Variants in INPP4B observed in about 807,000 individuals in gnomAD.
INPP4B encodes inositol polyphosphate-4-phosphatase type II B.
Under a neutral mutation model 122.5 loss-of-function variants are expected in INPP4B, and 55 were observed. The ratio of observed to expected loss-of-function variants is 0.45; its 90% CI spans 0.36 to 0.56. The LOEUF (loss-of-function observed/expected upper bound fraction) is 0.56, where lower values mean the gene tolerates loss of function less well. INPP4B is among the 20% of genes least tolerant of loss of function. INPP4B has a pLI of 0.00. For missense variants in INPP4B, 1,000 were observed against 1,097.7 expected (o/e 0.91, Z 1.26); for synonymous variants, 403 against 388.7 (o/e 1.04, Z -0.43).
At chr4:142,315,417 G>A (rs1381783476) in intron 7 of INPP4B, among the ~76,000 whole-genome samples, 1 of 151,964 alleles carries the variant, frequency 6.6e-6, no homozygotes, top group Non-Finnish European at 1.5e-5. Context: ...GGTTATCTGG[G>A]CAAGCTTTCC....
At chr4:142,180,684 T>C (rs986749471) in intron 15 of INPP4B, among the ~76,000 whole-genome samples, 26 of 152,182 alleles carry the variant, frequency 1.7e-4, no homozygotes, top group African/African-American at 5.8e-4. Context: ...CGGGTTTTCA[T>C]TGTTACACAG....
intron 3 of INPP4B, among the ~76,000 whole-genome samples, chr4:142,439,933 A>C (rs901711767): frequency 6.6e-6 from 1 of 152,122 alleles, no homozygotes; most frequent in East Asian, 1.9e-4. Flanking sequence ...AAGCAATACC[A>C]TGCTCTCCTA....
intron 2 of INPP4B, among the ~76,000 whole-genome samples, chr4:142,591,943 G>A (rs1737593110): frequency 6.6e-6 from 1 of 152,132 alleles, no homozygotes; most frequent in Admixed American, 6.5e-5. Context: ...TACTATCCTG[G>A]ATAGAATCCT....
chr4:142,119,407 C>T (rs1019572853), intron 21 of INPP4B, among the ~76,000 whole-genome samples: 10 of 152,008 alleles, frequency 6.6e-5, no homozygotes, highest in Admixed American at 6.6e-5. Context: ...AAATGTCCAT[C>T]AATGATAGAA....
intron 8 of INPP4B, among the ~76,000 whole-genome samples, chr4:142,306,373 TA>T (rs1369878958): frequency 6.6e-6 from 1 of 151,664 alleles, no homozygotes; most frequent in Non-Finnish European, 1.5e-5. Flanking sequence ...GGTCAAGGAG[TA>T]AATATGAAAA....
chr4:142,073,413 C>A (rs1372321206), intron 25 of INPP4B, among the ~76,000 whole-genome samples: 1 of 152,068 alleles, frequency 6.6e-6, no homozygotes, highest in Non-Finnish European at 1.5e-5. Context: ...CCTCCCAGTT[C>A]AGTTTTCTTT....
chr4:142,235,066 A>G (rs544076302), intron 12 of INPP4B, among the ~76,000 whole-genome samples: 3 of 152,290 alleles, frequency 2.0e-5, no homozygotes, highest in South Asian at 4.1e-4. Flanking sequence ...TTGATTTGCT[A>G]TCAATGAATG....
At chr4:142,321,203 A>G (rs1480192438) in intron 7 of INPP4B, among the ~76,000 whole-genome samples, 1 of 151,982 alleles carries the variant, frequency 6.6e-6, no homozygotes, top group Non-Finnish European at 1.5e-5. Flanking sequence ...TTTGATTTGC[A>G]TTTTCCTGAT....
rs1257015819 is a variant in INPP4B, at chr4:142,740,201, AGC to A, written c.-253-14302_-253-14301del. Among the ~76,000 whole-genome samples the A allele has an allele frequency of 7.2e-5, 11 of 152,164 alleles. No individual in the cohort carries two copies. The East Asian group carries it at 1.2e-3, about 16-fold the overall frequency. The stretch of plus-strand genomic sequence containing the variant: ...AATTTTGCAATGTGGAAAGCACATA[AGC>A]ACAGAAAACCCAAAAAATCTAAATT... On this transcript the variant is annotated intron_variant, in intron 1 of 25. Transcript: ENST00000262992.
intron 1 of INPP4B, chr4:142,795,364 A>C (rs1777089230): frequency 6.6e-6 from 1 of 152,036 alleles, no homozygotes; most frequent in Admixed American, 6.6e-5. Flanking sequence ...GAGAAGCTTC[A>C]AAGGCAATTG....
intron 7 of INPP4B, among the ~76,000 whole-genome samples, chr4:142,388,619 A>G (rs1796695234): frequency 6.6e-6 from 1 of 152,104 alleles, no homozygotes; most frequent in Non-Finnish European, 1.5e-5. Flanking sequence ...TTTTGTATTG[A>G]GTTATCTGAT....
chr4:142,060,805 A>AAGTGCTTGATACTT (rs1223115409), intron 25 of INPP4B, among the ~76,000 whole-genome samples: 1 of 152,194 alleles, frequency 6.6e-6, no homozygotes, highest in East Asian at 1.9e-4. Flanking sequence ...GTAGTTAGAA[A>AAGTGCTTGATACTT]AGTGCTTGAT....
intron 2 of INPP4B, among the ~76,000 whole-genome samples, chr4:142,626,327 A>T (rs1049583486): frequency 6.6e-6 from 1 of 152,036 alleles, no homozygotes; most frequent in African/African-American, 2.4e-5. Flanking sequence ...TGACACAATC[A>T]GGTAAATCCT....
At chr4:142,418,580 G>A (rs1231135184) in intron 5 of INPP4B, among the ~76,000 whole-genome samples, 2 of 152,090 alleles carry the variant, frequency 1.3e-5, no homozygotes, top group African/African-American at 4.8e-5. Context: ...TCTCTGATGA[G>A]GTGGCATTTG....
chr4:142,305,350 A>T (rs1353126369), intron 9 of INPP4B, 108 bp downstream of exon 9: 12 of 788,726 alleles, frequency 1.5e-5, no homozygotes, highest in Non-Finnish European at 2.3e-5. Context: ...GCTATTTGAG[A>T]ACTGACATCT....
chr4:142,309,857 A>G (rs1194861859), intron 8 of INPP4B, among the ~76,000 whole-genome samples: 1 of 152,192 alleles, frequency 6.6e-6, no homozygotes, highest in Non-Finnish European at 1.5e-5. Flanking sequence ...GGTGAAAAAA[A>G]GTGGTGCATC....
At chr4:142,779,698 T>C (rs1426047532) in intron 1 of INPP4B, among the ~76,000 whole-genome samples, 2 of 151,922 alleles carry the variant, frequency 1.3e-5, no homozygotes, top group East Asian at 1.9e-4. Flanking sequence ...ATCAGGAGGG[T>C]ATATCTGGTT....
chr4:142,451,636 A>G (rs966163489), intron 3 of INPP4B, among the ~76,000 whole-genome samples: 1 of 152,144 alleles, frequency 6.6e-6, no homozygotes. Flanking sequence ...AGTTTCTTTT[A>G]TTGCTTCTTT....
At chr4:142,276,245 T>C (rs2150685530) in intron 9 of INPP4B, among the ~76,000 whole-genome samples, 1 of 152,024 alleles carries the variant, frequency 6.6e-6, no homozygotes, top group African/African-American at 2.4e-5. Flanking sequence ...TGTCAAGTTT[T>C]CATCTTAAAG....
Sources: allele counts gnomAD v4.1 joint callset (sites outside exome capture counted in the v4.1 genomes callset), GRCh38; gene constraint gnomAD v4.1.1; transcripts MANE v1.5; gene names NCBI Gene and HGNC (gene_info 2026-07-23, HGNC 2026-07-21).